Variants in SORBS2 observed in about 807,000 individuals in gnomAD.
The protein encoded by SORBS2 is sorbin and SH3 domain containing 2.
In SORBS2, 46 loss-of-function variants were observed where a neutral mutation model predicts 97.7. The observed-to-expected ratio is 0.47, with a 90% CI of 0.37 to 0.60. The LOEUF is 0.60. Ranked by LOEUF, SORBS2 falls within the 20% of genes least tolerant of loss-of-function variation. The pLI is 0.00. For synonymous variants in SORBS2, 476 were observed against 473.4 expected (o/e 1.01, Z -0.07); for missense variants, 1,316 against 1,282.3 (o/e 1.03, Z -0.40).
intron 4 of SORBS2, among the ~76,000 whole-genome samples, chr4:185,664,000 G>A (rs1418773315): frequency 1.3e-5 from 2 of 151,580 alleles, no homozygotes; most frequent in African/African-American, 4.8e-5. Context: ...GACTACAGGC[G>A]CCCACCACCA....
chr4:185,692,375 T>C (rs947203445), intron 2 of SORBS2, among the ~76,000 whole-genome samples: 1 of 152,256 alleles, frequency 6.6e-6, no homozygotes, highest in Non-Finnish European at 1.5e-5. Context: ...AATGAAATCA[T>C]TGGCATGATC....
chr4:185,654,180 G>A (rs1236173533), intron 1 of SORBS2, among the ~76,000 whole-genome samples: 2 of 152,240 alleles, frequency 1.3e-5, no homozygotes, highest in Non-Finnish European at 2.9e-5. Context: ...GAAGAGTTGA[G>A]GTTATTGATT....
At chr4:185,838,625 C>T (rs28630747) in intron 1 of SORBS2, among the ~76,000 whole-genome samples, 7,670 of 152,280 alleles carry the variant, frequency 0.05, 241 homozygotes, top group African/African-American at 0.086. Context: ...TGATGTGTCA[C>T]CTTGCATTTG....
At chr4:185,788,252 A>T (rs1306532598) in intron 1 of SORBS2, among the ~76,000 whole-genome samples, 1 of 152,246 alleles carries the variant, frequency 6.6e-6, no homozygotes. Flanking sequence ...GAGCAACAGA[A>T]AGAGGTTTTC....
At chr4:185,698,302 C>T (rs889099200) in intron 2 of SORBS2, among the ~76,000 whole-genome samples, 1 of 152,052 alleles carries the variant, frequency 6.6e-6, no homozygotes, top group Non-Finnish European at 1.5e-5. Flanking sequence ...ATGACGAAAC[C>T]CCTGCCTCTA....
intron 1 of SORBS2, among the ~76,000 whole-genome samples, chr4:185,813,441 C>T (rs985788240): frequency 1.9e-4 from 29 of 152,160 alleles, no homozygotes; most frequent in African/African-American, 4.1e-4. Flanking sequence ...AAGTGGGTGG[C>T]GCTTTCCTGC....
In SORBS2 at chr4:185,684,766, G is replaced by A; in HGVS notation, c.-197-5944C>T. ...AGTGATATTATACCTGCAGCCAATA[G>A]GTTTGGAGAACTTTGCACTCTCTTC... On this transcript the variant is annotated intron_variant, in intron 2 of 20. Coordinates refer to the SORBS2 transcript ENST00000284776. The surrounding 1 kb of genome is among the most constrained non-coding windows in gnomAD (Gnocchi z 4.2). 6.4e-7 allele frequency: 1 copy of A among 1,551,262 alleles called. No individual in the cohort carries two copies. The highest frequency in any genetic ancestry group is 8.7e-7 in the Non-Finnish European group (1 of 1,146,486).
intron 1 of SORBS2, among the ~76,000 whole-genome samples, chr4:185,910,806 A>T (rs1398373873): frequency 2.0e-5 from 3 of 152,354 alleles, no homozygotes; most frequent in Non-Finnish European, 4.4e-5. Context: ...CAGGTATCAC[A>T]GACTGTATTA....
chr4:185,742,583 C>T (rs1227273051), intron 2 of SORBS2, among the ~76,000 whole-genome samples: 1 of 152,198 alleles, frequency 6.6e-6, no homozygotes, highest in Non-Finnish European at 1.5e-5. Flanking sequence ...TAAGATATCC[C>T]CCTAAACTAT....
chr4:185,907,456 A>C (rs76261492), intron 1 of SORBS2, among the ~76,000 whole-genome samples: 11,171 of 152,250 alleles, frequency 0.073, 532 homozygotes, highest in Non-Finnish European at 0.1. Context: ...CGTCTTTATA[A>C]CATAATTGTC....
At chr4:185,794,798 G>T (rs2099097346) in intron 1 of SORBS2, among the ~76,000 whole-genome samples, 1 of 152,054 alleles carries the variant, frequency 6.6e-6, no homozygotes, top group East Asian at 1.9e-4. Flanking sequence ...GAGGGTCAGG[G>T]TGATGGTGTC....
chr4:185,770,705 AT>A (rs1333982637), intron 2 of SORBS2, among the ~76,000 whole-genome samples: 1 of 151,284 alleles, frequency 6.6e-6, no homozygotes, highest in Non-Finnish European at 1.5e-5. Context: ...TAAAAAAAAA[AT>A]AAAACAAGTA....
At chr4:185,648,822 T>C (rs1471758658) in intron 3 of SORBS2, among the ~76,000 whole-genome samples, 4 of 152,118 alleles carry the variant, frequency 2.6e-5, no homozygotes, top group Admixed American at 2.6e-4. Flanking sequence ...AATCAAATGA[T>C]ATGACACAGA....
At chr4:185,904,907 C>T (rs1199941805) in intron 1 of SORBS2, among the ~76,000 whole-genome samples, 1 of 152,026 alleles carries the variant, frequency 6.6e-6, no homozygotes, top group East Asian at 1.9e-4. Context: ...GGGTTCGAGA[C>T]CAGCCTGACC....
chr4:185,652,012 T>A lies in SORBS2; in HGVS notation c.91+650A>T, dbSNP rs1266519269. 2.0e-5 allele frequency among the ~76,000 whole-genome samples: 3 copies of A among 152,012 alleles called. No homozygotes were observed. The East Asian group carries it at 5.8e-4, about 29-fold the overall frequency. On this transcript the variant is annotated intron_variant, in intron 2 of 14. Coordinates refer to ENST00000418609, the Ensembl canonical transcript of SORBS2. Reference sequence around the variant, plus strand: ...GACAGGGTTTTACCCTGTCGTCCAGTCTGGAGTGCAGTGGTGATCATTGCT... The same window carrying A: ...GACAGGGTTTTACCCTGTCGTCCAGACTGGAGTGCAGTGGTGATCATTGCT...
intron 1 of SORBS2, among the ~76,000 whole-genome samples, chr4:185,917,606 A>G (rs1341020841): frequency 6.6e-6 from 1 of 152,172 alleles, no homozygotes; most frequent in Non-Finnish European, 1.5e-5. Context: ...CAAACCTAAG[A>G]AGGGGGACAT....
intron 2 of SORBS2, among the ~76,000 whole-genome samples, chr4:185,753,492 G>T (rs745605593): frequency 6.6e-6 from 1 of 151,932 alleles, no homozygotes; most frequent in Non-Finnish European, 1.5e-5. Context: ...CTTTAATTTG[G>T]GTACCAATTT....
rs772164410 is a variant in SORBS2 at position 185,623,613 on chromosome 4, C to A, written c.1516G>T (p.Gly506Trp). The change falls in exon 7 of 15, where the codon GGG becomes TGG. Residue 506 changes from glycine to tryptophan, a missense_variant. By Grantham distance (184) the Gly-to-Trp change is radical. Coordinates refer to ENST00000418609, the Ensembl canonical transcript of SORBS2. The surrounding 1 kb of genome is among the most constrained non-coding windows in gnomAD (Gnocchi z 6.4). ...TAGTCACTGTGGTCGGACACAACCCCGTCCTGGTCGCTGTCGGAAAACTCC... is the reference window on the plus strand; with the variant it reads ...TAGTCACTGTGGTCGGACACAACCCAGTCCTGGTCGCTGTCGGAAAACTCC... 4 of 1,613,944 alleles carry A rather than the reference C, an allele frequency of 2.5e-6. No individual in the cohort carries two copies. Among genetic ancestry groups the A allele is most frequent in the Non-Finnish European group, 8.5e-7 (1 of 1,180,022 alleles).
intron 2 of SORBS2, among the ~76,000 whole-genome samples, chr4:185,770,791 G>C (rs915292479): frequency 6.6e-6 from 1 of 151,840 alleles, no homozygotes; most frequent in African/African-American, 2.4e-5. Flanking sequence ...ATTTTTCTCT[G>C]ACAGTCAATT....
Sources: allele counts gnomAD v4.1 joint callset (sites outside exome capture counted in the v4.1 genomes callset), GRCh38; gene constraint gnomAD v4.1.1; non-coding constraint Gnocchi (gnomAD v3.1); transcripts MANE v1.5; gene names NCBI Gene and HGNC (gene_info 2026-07-23, HGNC 2026-07-21).